The following CALN1 variants were observed in gnomAD, a reference collection of about 807,000 sequenced individuals.
CALN1 encodes the protein calneuron 1.
CALN1 carries 17 observed loss-of-function variants against 30.6 expected under a neutral mutation model. The ratio of observed to expected loss-of-function variants is 0.56; its 90% CI spans 0.38 to 0.83. The LOEUF is 0.83. Ranked by LOEUF, CALN1 falls within the 40% of genes least tolerant of loss-of-function variation. The pLI, the probability that CALN1 is intolerant of heterozygous loss-of-function variation, is 0.00. For synonymous variants in CALN1, 156 were observed against 131.4 expected (o/e 1.19, Z -1.28); for missense variants, 291 against 354.9 (o/e 0.82, Z 1.45).
At chr7:71,970,970 C>A (rs766547289) in intron 5 of CALN1, among the ~76,000 whole-genome samples, 5 of 152,218 alleles carry the variant, frequency 3.3e-5, no homozygotes, top group African/African-American at 1.2e-4. Context: ...GCATTCCCAG[C>A]GGAGGCAAGA....
chr7:72,014,599 G>A (rs963728443), intron 5 of CALN1, among the ~76,000 whole-genome samples: 1 of 152,144 alleles, frequency 6.6e-6, no homozygotes, highest in African/African-American at 2.4e-5. Flanking sequence ...CATAGCTTTA[G>A]AAATGTTCTG....
chr7:72,450,013 C>G (rs1323280393), upstream of CALN1, among the ~76,000 whole-genome samples: 1 of 151,496 alleles, frequency 6.6e-6, no homozygotes, highest in East Asian at 1.9e-4. Context: ...TGAGGCCAGA[C>G]TAGGCAACAT....
chr7:72,204,030 C>T (rs1481625965), intron 3 of CALN1, among the ~76,000 whole-genome samples: 2 of 116,126 alleles, frequency 1.7e-5, no homozygotes, highest in African/African-American at 6.8e-5. Context: ...CTCACTCTGT[C>T]GCCCAGGCTG....
At chr7:72,419,878 C>T (rs555055320) in intron 1 of CALN1, among the ~76,000 whole-genome samples, 5 of 152,244 alleles carry the variant, frequency 3.3e-5, no homozygotes, top group African/African-American at 1.2e-4. Flanking sequence ...GAAAAGATCA[C>T]CTTCTCCCCA....
intron 2 of CALN1, among the ~76,000 whole-genome samples, chr7:72,393,997 T>C (rs7778594): frequency 0.56 from 85,462 of 152,054 alleles, 25,068 homozygotes; most frequent in East Asian, 0.72. Context: ...ACATAGGAAG[T>C]AAATGGATCC....
intron 5 of CALN1, among the ~76,000 whole-genome samples, chr7:72,002,432 A>G (rs1313854851): frequency 6.6e-6 from 1 of 152,184 alleles, no homozygotes; most frequent in African/African-American, 2.4e-5. Context: ...AAGCAGATAT[A>G]TGGGTAATTG....
At chr7:72,271,651 T>C (rs1797002830) in intron 3 of CALN1, among the ~76,000 whole-genome samples, 1 of 145,064 alleles carries the variant, frequency 6.9e-6, no homozygotes, top group African/African-American at 2.6e-5. Context: ...GACAAATATG[T>C]AGAAAAGAGG....
intron 4 of CALN1, among the ~76,000 whole-genome samples, chr7:72,078,622 G>A (rs1804908344): frequency 3.3e-5 from 5 of 151,950 alleles, no homozygotes; most frequent in African/African-American, 7.3e-5. Flanking sequence ...GGGCCCCTCC[G>A]CCTTCTGAGT....
chr7:71,862,523 A>T (rs1791350100), intron 5 of CALN1, among the ~76,000 whole-genome samples: 1 of 152,080 alleles, frequency 6.6e-6, no homozygotes, highest in South Asian at 2.1e-4. Flanking sequence ...TGCCATAATC[A>T]TGAGGCCTCC....
chr7:72,058,142 G>A (rs1404786363), intron 4 of CALN1, among the ~76,000 whole-genome samples: 3 of 151,766 alleles, frequency 2.0e-5, no homozygotes, highest in East Asian at 3.9e-4. Context: ...AAATAATCAC[G>A]CCACGTTAAA....
At chr7:72,381,966 AGAGT>A (rs1448053691) in intron 2 of CALN1, among the ~76,000 whole-genome samples, 1 of 152,262 alleles carries the variant, frequency 6.6e-6, no homozygotes, top group Non-Finnish European at 1.5e-5. Context: ...AACTGATTAA[AGAGT>A]AAGTATGAAG....
At chr7:71,852,557 A>G (rs1191501909) in intron 5 of CALN1, among the ~76,000 whole-genome samples, 1 of 151,748 alleles carries the variant, frequency 6.6e-6, no homozygotes, top group Non-Finnish European at 1.5e-5. Flanking sequence ...CCATGATCGC[A>G]CCACTGCACT....
intron 6 of CALN1, among the ~76,000 whole-genome samples, chr7:71,798,909 C>G (rs902622636): frequency 1.3e-5 from 2 of 152,142 alleles, no homozygotes; most frequent in Admixed American, 1.3e-4. Context: ...CAGGCATGAG[C>G]CACCACGCCC....
At chr7:72,499,700 C>T in the CALN1 span, among the ~76,000 whole-genome samples, 1 of 151,902 alleles carries the variant, frequency 6.6e-6, no homozygotes, top group South Asian at 2.1e-4. Context: ...ATAAAAGAAT[C>T]TATAAAAAAT....
chr7:72,099,697 G>A (rs1806506139), intron 4 of CALN1, among the ~76,000 whole-genome samples: 1 of 152,132 alleles, frequency 6.6e-6, no homozygotes, highest in Non-Finnish European at 1.5e-5. Context: ...AGCCTACACT[G>A]ATGCGTTATT....
intron 2 of CALN1, among the ~76,000 whole-genome samples, chr7:72,314,281 G>A (rs1213223401): frequency 1.3e-5 from 2 of 151,906 alleles, no homozygotes; most frequent in Admixed American, 6.6e-5. Context: ...GCCACTTTGT[G>A]TAAAAAGCCA....
intron 5 of CALN1, among the ~76,000 whole-genome samples, chr7:72,005,644 T>C (rs1393397288): frequency 2.0e-5 from 3 of 152,156 alleles, no homozygotes; most frequent in Admixed American, 2.0e-4. Flanking sequence ...GAGCAAATTA[T>C]TGATACAACA....
intron 5 of CALN1, among the ~76,000 whole-genome samples, chr7:72,017,170 T>TAAA (rs58672373): frequency 1.9e-4 from 17 of 88,084 alleles, no homozygotes; most frequent in East Asian, 2.9e-4. Flanking sequence ...TCTCAAAAAT[T>TAAA]AAAAAAAAAA....
chr7:72,473,047 A>G, the CALN1 span, among the ~76,000 whole-genome samples: 1 of 151,834 alleles, frequency 6.6e-6, no homozygotes, highest in South Asian at 2.1e-4. Context: ...ACTGGCCCCA[A>G]CCAAACTCCA....
Sources: gnomAD v4.1 joint callset for allele counts (sites outside exome capture counted in the v4.1 genomes callset) on GRCh38, gnomAD v4.1.1 for gene constraint, MANE v1.5 for transcripts, NCBI Gene and HGNC (gene_info 2026-07-23, HGNC 2026-07-21) for gene names.